The following ZBTB20 variants were observed in gnomAD, a reference collection of about 807,000 sequenced individuals.
The protein encoded by ZBTB20 is zinc finger and BTB domain-containing protein 20.
A neutral mutation model predicts 56.9 loss-of-function variants in ZBTB20; 9 were observed. The observed-to-expected ratio is 0.16, with a 90% CI of 0.10 to 0.28. The LOEUF is 0.28. ZBTB20 is among the 10% of genes least tolerant of loss of function. ZBTB20 has a pLI of 1.00. For synonymous variants in ZBTB20, 417 were observed against 420.7 expected, an observed-to-expected ratio of 0.99 and a Z score of 0.11; for missense variants, 655 against 1,003.0, an observed-to-expected ratio of 0.65 and a Z score of 4.69.
chr3:114,771,599 GAT>G (rs1450951758), intron 5 of ZBTB20, among the ~76,000 whole-genome samples: 1 of 152,100 alleles, frequency 6.6e-6, no homozygotes, highest in Non-Finnish European at 1.5e-5. Flanking sequence ...TTAAGGAAAT[GAT>G]ATAATAGAAA....
At chr3:114,435,965 G>A (rs1476111188) in intron 7 of ZBTB20, among the ~76,000 whole-genome samples, 2 of 152,026 alleles carry the variant, frequency 1.3e-5, no homozygotes, top group East Asian at 1.9e-4. Context: ...GATATTTCCC[G>A]CTACAATTTG....
chr3:114,448,480 CAAAGT>C (rs1354775476), intron 7 of ZBTB20, among the ~76,000 whole-genome samples: 1 of 151,874 alleles, frequency 6.6e-6, no homozygotes, highest in Non-Finnish European at 1.5e-5. Flanking sequence ...CAAGGAGAAG[CAAAGT>C]AAAGATTACT....
chr3:115,123,823 A>G (rs1313163051), intron 1 of ZBTB20, among the ~76,000 whole-genome samples: 1 of 152,196 alleles, frequency 6.6e-6, no homozygotes, highest in East Asian at 1.9e-4. Context: ...AATACGTGGC[A>G]CTAGTACAGG....
At chr3:115,113,817 T>C (rs988262218) in intron 1 of ZBTB20, among the ~76,000 whole-genome samples, 7 of 152,096 alleles carry the variant, frequency 4.6e-5, no homozygotes, top group African/African-American at 1.7e-4. Context: ...ATAACAAAAC[T>C]TTCCCTTGCT....
At chr3:114,527,916 G>A (rs1465200561) in intron 6 of ZBTB20, among the ~76,000 whole-genome samples, 1 of 151,658 alleles carries the variant, frequency 6.6e-6, no homozygotes, top group Non-Finnish European at 1.5e-5. Flanking sequence ...ACTTCTAGAT[G>A]TGGGTCTTAT....
chr3:114,734,323 A>G (rs1236362677), intron 5 of ZBTB20, among the ~76,000 whole-genome samples: 1 of 152,132 alleles, frequency 6.6e-6, no homozygotes, highest in Admixed American at 6.6e-5. Context: ...AATTATGTAC[A>G]ATAAGAATAA....
chr3:115,124,646 T>C (rs2084274581), intron 1 of ZBTB20, among the ~76,000 whole-genome samples: 1 of 152,122 alleles, frequency 6.6e-6, no homozygotes, highest in South Asian at 2.1e-4. Context: ...GATAGTCCAA[T>C]CAACCAAGAA....
chr3:114,643,259 G>C (rs1235796415), intron 6 of ZBTB20, among the ~76,000 whole-genome samples: 1 of 152,034 alleles, frequency 6.6e-6, no homozygotes, highest in Non-Finnish European at 1.5e-5. Flanking sequence ...CCCTTTTGAG[G>C]CTGCAAAATT....
Position 114,928,478 on chromosome 3 carries a change from T to C in ZBTB20, c.-455-28136A>G, listed in dbSNP as rs773254255. On this transcript the variant is annotated intron_variant, in intron 3 of 11. Transcript: ENST00000675478. ...GGAGAACCTCAAGGTTCTTCAATGA[T>C]GGAAAGATTCTTGTTTAATTTCTAA... Among the ~76,000 whole-genome samples the C allele has an allele frequency of 3.6e-4, 55 of 152,158 alleles. 1 individual carries two copies. Among genetic ancestry groups the C allele is most frequent in the Admixed American group, 7.2e-4 (11 of 15,282 alleles).
intron 5 of ZBTB20, among the ~76,000 whole-genome samples, chr3:114,699,810 GTTC>G (rs199807104): frequency 2.6e-5 from 4 of 151,944 alleles, no homozygotes; most frequent in East Asian, 1.9e-4. Context: ...GAACTTACCT[GTTC>G]TTCTTCATTT....
At chr3:115,031,296 C>T (rs972809945) in intron 2 of ZBTB20, among the ~76,000 whole-genome samples, 1 of 151,336 alleles carries the variant, frequency 6.6e-6, no homozygotes, top group African/African-American at 2.4e-5. Flanking sequence ...GCTCATCCCT[C>T]TAACAAAGGA....
At chr3:114,531,454 G>A (rs532901711) in intron 6 of ZBTB20, among the ~76,000 whole-genome samples, 1 of 152,114 alleles carries the variant, frequency 6.6e-6, no homozygotes, top group Admixed American at 6.5e-5. Flanking sequence ...TACAAAAAAG[G>A]CAAGACATAC....
At chr3:115,023,008 T>A (rs1027785713) in intron 2 of ZBTB20, among the ~76,000 whole-genome samples, 18 of 150,984 alleles carry the variant, frequency 1.2e-4, no homozygotes, top group African/African-American at 4.4e-4. Context: ...CAGCCCTGAC[T>A]CATGAACAAA....
intron 4 of ZBTB20, among the ~76,000 whole-genome samples, chr3:114,899,910 C>A (rs2075039067): frequency 6.6e-6 from 1 of 151,996 alleles, no homozygotes; most frequent in African/African-American, 2.4e-5. Context: ...CCTAAAGCAA[C>A]CATCACAGAA....
intron 4 of ZBTB20, among the ~76,000 whole-genome samples, chr3:114,885,997 C>T (rs2076587045): frequency 6.6e-6 from 1 of 152,184 alleles, no homozygotes; most frequent in Admixed American, 6.5e-5. Flanking sequence ...TATCCTACAA[C>T]CATGAGGTGG....
chr3:114,450,978 T>C (rs544261313), intron 7 of ZBTB20, among the ~76,000 whole-genome samples: 128 of 152,248 alleles, frequency 8.4e-4, no homozygotes, highest in African/African-American at 2.8e-3. Context: ...TGAAAATTTC[T>C]TTCTCTTCCT....
intron 6 of ZBTB20, among the ~76,000 whole-genome samples, chr3:114,620,665 C>T (rs1016969109): frequency 1.3e-5 from 2 of 152,158 alleles, no homozygotes; most frequent in African/African-American, 2.4e-5. Flanking sequence ...TCATTCATCA[C>T]CTATTCATTG....
At chr3:114,575,455 T>A (rs1235521529) in intron 6 of ZBTB20, among the ~76,000 whole-genome samples, 1 of 152,160 alleles carries the variant, frequency 6.6e-6, no homozygotes, top group African/African-American at 2.4e-5. Flanking sequence ...AAGCACAGTA[T>A]TTTTTATCCT....
At chr3:114,766,489 ATGTGTGTGTGTGTGTGTGTG>A (rs71297433) in intron 5 of ZBTB20, among the ~76,000 whole-genome samples, 4 of 138,996 alleles carry the variant, frequency 2.9e-5, no homozygotes, top group African/African-American at 1.1e-4. Context: ...TGGGATGGAA[ATGTGTGTGTGTGTGTGTGTG>A]TGTGTGTGTG....
Sources: gnomAD v4.1 joint callset for allele counts (sites outside exome capture counted in the v4.1 genomes callset) on GRCh38, gnomAD v4.1.1 for gene constraint, MANE v1.5 for transcripts, NCBI Gene and HGNC (gene_info 2026-07-23, HGNC 2026-07-21) for gene names.